The following HSD17B14 variants were observed in gnomAD, a reference collection of about 807,000 sequenced individuals.
HSD17B14 encodes hydroxysteroid 17-beta dehydrogenase 14.
A neutral mutation model predicts 32.2 loss-of-function variants in HSD17B14; 32 were observed. That is an observed-to-expected ratio of 0.99 (90% confidence interval 0.75 to 1.33). HSD17B14 has a LOEUF of 1.33. Ranked by LOEUF, HSD17B14 falls within the 40% of genes most tolerant of loss-of-function variation. HSD17B14 has a pLI of 0.00. For missense variants in HSD17B14, 370 were observed against 366.5 expected (o/e 1.01, Z -0.08); for synonymous variants, 140 against 155.4 (o/e 0.90, Z 0.74).
chr19:48,829,667 A>C (rs989978035), intron 5 of HSD17B14, among the ~76,000 whole-genome samples: 1 of 83,610 alleles, frequency 1.2e-5, no homozygotes, highest in Non-Finnish European at 2.2e-5. Context: ...TGTGAGACGG[A>C]GTTTCCGCTC....
intron 2 of HSD17B14, among the ~76,000 whole-genome samples, chr19:48,835,352 G>A (rs2035468304): frequency 4.1e-5 from 5 of 122,892 alleles, no homozygotes; most frequent in African/African-American, 3.4e-5. Flanking sequence ...CTGGACTCCT[G>A]GGTCTGAGGG....
chr19:48,817,313 G>A (rs2035074248), intron 5 of HSD17B14, among the ~76,000 whole-genome samples: 3 of 151,470 alleles, frequency 2.0e-5, no homozygotes, highest in African/African-American at 7.3e-5. Context: ...GAGTAGCTGG[G>A]ACTACAGGCA....
At chr19:48,826,542 T>TATATATATATATATATACACACAC in intron 5 of HSD17B14, among the ~76,000 whole-genome samples, 3 of 80,104 alleles carry the variant, frequency 3.7e-5, no homozygotes, top group Admixed American at 1.6e-4. Flanking sequence ...TATATATATA[T>TATATATATATATATATACACACAC]ACACACACAC....
rs1480552221 is a variant in HSD17B14 at position 48,813,328 on chromosome 19, C to A, written c.660G>T (p.Gln220His). 1.9e-6 allele frequency: 3 copies of A among 1,589,042 alleles called. 1 individual carries two copies. Among genetic ancestry groups the A allele is most frequent in the Admixed American group, 3.6e-5 (2 of 55,770 alleles). ...CTGCCGCAGCCCCGACCTCAGCGGG[C>A]TGGCCCATGCGGCCCAGTGGCTGGG... is the stretch of plus-strand genomic sequence containing the variant. ...MLAQPLGRMG[Q>H]PAEVGAAAVF... Residue 220 changes from glutamine (Q) to histidine (H), a missense_variant, in exon 9 of 9, where the codon CAG (glutamine) becomes CAT (histidine). By Grantham distance (24) the Gln-to-His change is conservative. Coordinates refer to ENST00000263278, the MANE Select transcript of HSD17B14 (RefSeq NM_016246.3).
At chr19:48,815,176 C>T in intron 5 of HSD17B14, 35 bp from the exon 6 acceptor site, 1 of 1,518,450 alleles carries the variant, frequency 6.6e-7, no homozygotes, top group East Asian at 2.3e-5. Context: ...GCTACACAAG[C>T]CCTGCATCTT....
intron 5 of HSD17B14, among the ~76,000 whole-genome samples, chr19:48,829,314 G>A (rs1403315940): frequency 2.7e-5 from 4 of 150,844 alleles, no homozygotes; most frequent in African/African-American, 4.9e-5. Flanking sequence ...TCAGCCTCCC[G>A]TGTAGCTGGG....
At chr19:48,827,003 T>A (rs2035261875) in intron 5 of HSD17B14, among the ~76,000 whole-genome samples, 1 of 151,786 alleles carries the variant, frequency 6.6e-6, no homozygotes, top group Admixed American at 6.6e-5. Context: ...TCCGGTCAGT[T>A]GCTCAGTTGC....
intron 5 of HSD17B14, among the ~76,000 whole-genome samples, chr19:48,827,634 T>C (rs1278738567): frequency 6.6e-6 from 1 of 151,586 alleles, no homozygotes; most frequent in Admixed American, 6.6e-5. Context: ...ATCTCCCAGG[T>C]TCCAGCAATT....
At chr19:48,831,528 G>A (rs1198555862) in intron 5 of HSD17B14, 140 bp downstream of exon 5, 3 of 698,032 alleles carry the variant, frequency 4.3e-6, no homozygotes, top group Non-Finnish European at 7.9e-6. Flanking sequence ...CCTCCAGCCT[G>A]GGCGACAGAG....
intron 7 of HSD17B14, 29 bp from the exon 8 acceptor site, chr19:48,813,581 C>G (rs1205939714): frequency 1.2e-6 from 2 of 1,613,078 alleles, no homozygotes; most frequent in East Asian, 4.5e-5. Context: ...GGGATCAAAG[C>G]AATCTGTCTC....
At chr19:48,819,552 G>T (rs2035111992) in intron 5 of HSD17B14, among the ~76,000 whole-genome samples, 1 of 152,148 alleles carries the variant, frequency 6.6e-6, no homozygotes, top group Non-Finnish European at 1.5e-5. Flanking sequence ...ACTGGGCCCA[G>T]CTGGCAGCAG....
chr19:48,829,044 GAGTA>G (rs1342264897), intron 5 of HSD17B14, among the ~76,000 whole-genome samples: 1 of 152,008 alleles, frequency 6.6e-6, no homozygotes, highest in Non-Finnish European at 1.5e-5. Context: ...CTGGGTGACA[GAGTA>G]AGACTCTGTC....
At chr19:48,818,430 C>T (rs1259800505) in intron 5 of HSD17B14, among the ~76,000 whole-genome samples, 1 of 152,038 alleles carries the variant, frequency 6.6e-6, no homozygotes, top group Non-Finnish European at 1.5e-5. Context: ...CGCCTCCTCT[C>T]ACTCCCACCA....
chr19:48,816,819 C>CTTTCTTTCTTTCTTTCTT (rs1555775912), intron 5 of HSD17B14, among the ~76,000 whole-genome samples: 8 of 86,982 alleles, frequency 9.2e-5, no homozygotes, highest in African/African-American at 3.8e-4. Flanking sequence ...TTCTTTCTTT[C>CTTTCTTTCTTTCTTTCTT]TTTCTTTTCT....
rs772799878 is a variant in HSD17B14 at position 48,815,091 on chromosome 19, G to A, written c.420C>T (p.Ser140=). Residue 140 remains serine, a synonymous_variant, in exon 6 of 9, where the codon TCC becomes TCT. Transcript: ENST00000263278. ...CCTGGCCGATTGCCCCCACCAGGCT[G>A]GAGATGTTGATGACATTCCCTTGAC... ...RKSQGNVINI[S]SLVGAIGQAQ... 48 of 1,613,900 alleles carry A rather than the reference G, an allele frequency of 3.0e-5. No homozygotes were observed. In the Middle Eastern group the frequency reaches 6.6e-4, roughly 22 times the overall value.
At chr19:48,832,965 G>C (rs1386138426) in intron 3 of HSD17B14, among the ~76,000 whole-genome samples, 1 of 151,668 alleles carries the variant, frequency 6.6e-6, no homozygotes, top group African/African-American at 2.4e-5. Context: ...AGGTTAGCCA[G>C]GCTGGTCTCA....
At chr19:48,820,533 A>ATT (rs531121579) in intron 5 of HSD17B14, among the ~76,000 whole-genome samples, 87 of 141,118 alleles carry the variant, frequency 6.2e-4, no homozygotes, top group African/African-American at 2.1e-3. Context: ...GAATGGATAG[A>ATT]TTTTTTTTTT....
intron 6 of HSD17B14, among the ~76,000 whole-genome samples, chr19:48,814,205 G>GAAGAA (rs528225019): frequency 6.8e-6 from 1 of 146,614 alleles, no homozygotes; most frequent in African/African-American, 2.6e-5. Context: ...AAAAAAAAAA[G>GAAGAA]AAGAAAAGAA....
chr19:48,813,250 C>CCG lies in HSD17B14; in HGVS notation c.737_738insCG (p.Ala249ValfsTer35), dbSNP rs2034991229. 1.2e-6 allele frequency: 2 copies of CCG among 1,609,004 alleles called. No individual in the cohort carries two copies. Among genetic ancestry groups the CCG allele is most frequent in the Non-Finnish European group, 1.7e-6 (2 of 1,177,964 alleles). On this transcript the variant is annotated frameshift_variant, in exon 9 of 9. Coordinates refer to ENST00000263278, the MANE Select transcript of HSD17B14 (RefSeq NM_016246.3). LOFTEE classifies it low-confidence loss of function (END_TRUNC). ...ACCCGTACCCCAGCTCTGCACCCCC[C>CCG]GTCACGAGCAGTTCAATGCCCGTGC...
Sources: allele counts gnomAD v4.1 joint callset (sites outside exome capture counted in the v4.1 genomes callset), GRCh38; gene constraint gnomAD v4.1.1; transcripts MANE v1.5; gene names NCBI Gene and HGNC (gene_info 2026-07-23, HGNC 2026-07-21).